The following GDF9 variants were observed in gnomAD, a reference collection of about 807,000 sequenced individuals.
GDF9 encodes growth/differentiation factor 9.
A neutral mutation model predicts 33.8 loss-of-function variants in GDF9; 30 were observed. The ratio of observed to expected loss-of-function variants is 0.89; its 90% CI spans 0.66 to 1.20. GDF9 has a LOEUF of 1.20. Ranked by LOEUF, GDF9 falls within the 50% of genes most tolerant of loss-of-function variation. The pLI, the probability that GDF9 is intolerant of heterozygous loss-of-function variation, is 0.00. For synonymous variants in GDF9, 205 were observed against 200.7 expected (o/e 1.02, Z -0.18); for missense variants, 556 against 543.7 (o/e 1.02, Z -0.22).
Position 132,861,871 on chromosome 5 carries a change from G to A in GDF9, c.1083C>T (p.Ser361=). ...AGTTGTCCCACTTCAGCTGACTAAA[G>A]CTAAGTCTAAAGTCATGGAGCTCAC... is the stretch of plus-strand genomic sequence containing the variant. ...NECELHDFRL[S]FSQLKWDNWI... The change falls in exon 2 of 2, where the codon AGC becomes AGT. Residue 361 remains serine (S), a synonymous_variant. Transcript: ENST00000687138. The A allele has an allele frequency of 6.2e-7, 1 of 1,613,786 alleles. No homozygotes were observed. Among genetic ancestry groups the A allele is most frequent in the Non-Finnish European group, 8.5e-7 (1 of 1,179,626 alleles).
chr5:132,864,298 AGCCTAGGT>A lies in GDF9; in HGVS notation c.228_235del (p.Pro77AlafsTer15). On this transcript the variant is annotated frameshift_variant, in exon 1 of 2. Coordinates refer to ENST00000687138, the MANE Select transcript of GDF9 (RefSeq NM_005260.7). LOFTEE classifies it high-confidence loss of function. ...GTGCAAAGCTCTGGAGTCTGGCTGC[AGCCTAGGT>A]GACCCACCTCGCCCAACAGATAGAA... is the stretch of plus-strand genomic sequence containing the variant. 4 of 1,614,238 alleles carry A rather than the reference AGCCTAGGT, an allele frequency of 2.5e-6. No individual in the cohort carries two copies. Among genetic ancestry groups the A allele is most frequent in the Non-Finnish European group, 3.4e-6 (4 of 1,180,042 alleles).
At position 132,865,061 on chromosome 5, in the gene GDF9, T is replaced by C. The variant is rs1387740354; in HGVS notation, c.-528A>G. On this transcript the variant is annotated 5_prime_UTR_variant, in exon 1 of 2. Transcript: ENST00000687138. ...CCTCACGGCCTTTTCCACTTCCAGG[T>C]GTTTACAATTGTAATTATTCGCTGC... The C allele has an allele frequency of 6.5e-6, 1 of 154,718 alleles. No homozygotes were observed. The highest frequency in any genetic ancestry group is 1.4e-5 in the Non-Finnish European group (1 of 69,610). 9.6% of individuals were successfully genotyped at this position (154,718 alleles called of 1,614,324 possible). A position where few individuals can be genotyped will look rare whatever the true frequency, so the allele number is the denominator to read the frequency against.
In GDF9 at chr5:132,862,171, G is replaced by T; in HGVS notation, c.783C>A (p.Pro261=). Residue 261 remains proline (P), a synonymous_variant, in exon 2 of 2, where the codon CCC becomes CCA. Transcript: ENST00000687138. ...TGTCATTCAAATATAAGATCAGTGAGGGGGACACCAGAGTCATGTTAAACA... is the reference window on the plus strand; with the variant it reads ...TGTCATTCAAATATAAGATCAGTGATGGGGACACCAGAGTCATGTTAAACA... ...NGLFNMTLVS[P]SLILYLNDTS... is the part of the protein sequence containing the mutation. 1 of 1,613,334 alleles carries T rather than the reference G, an allele frequency of 6.2e-7. No individual in the cohort carries two copies. Among genetic ancestry groups the T allele is most frequent in the African/African-American group, 1.3e-5 (1 of 75,024 alleles).
At chr5:132,863,596 C>T (rs1759407651) in intron 1 of GDF9, among the ~76,000 whole-genome samples, 1 of 152,064 alleles carries the variant, frequency 6.6e-6, no homozygotes, top group Non-Finnish European at 1.5e-5. Flanking sequence ...TGCACCACCA[C>T]ACCCAGCTAA....
Position 132,861,486 on chromosome 5 carries a change from C to A in GDF9, c.*103G>T. On this transcript the variant is annotated 3_prime_UTR_variant, in exon 2 of 2. Coordinates refer to ENST00000687138, the MANE Select transcript of GDF9 (RefSeq NM_005260.7). ...CAGGCTCCTCTTTATATAACATATGCTACATTTAGAGACTTAATATATGAA... is the reference window on the plus strand; with the variant it reads ...CAGGCTCCTCTTTATATAACATATGATACATTTAGAGACTTAATATATGAA... The A allele has an allele frequency of 1.0e-6, 1 of 974,058 alleles. No individual in the cohort carries two copies. Among genetic ancestry groups the A allele is most frequent in the Non-Finnish European group, 1.7e-6 (1 of 600,072 alleles). The allele number at this position is 974,058 out of a possible 1,614,324, so 60.3% of individuals were successfully genotyped here.
rs1759538899 is a variant in GDF9 at position 132,865,385 on chromosome 5, T to C, written c.-852A>G. 6.6e-6 allele frequency: 1 copy of C among 152,196 alleles called. No homozygotes were observed. Among genetic ancestry groups the C allele is most frequent in the South Asian group, 2.1e-4 (1 of 4,834 alleles). The allele number at this position is 152,196 out of a possible 1,614,324, so 9.4% of individuals were successfully genotyped here. On this transcript the variant is annotated 5_prime_UTR_variant, in exon 1 of 2. Transcript: ENST00000687138. Reference sequence around the variant, plus strand: ...TGCTATAAAATAAATGAACGTTTTATTATTATTCATCCAAATGGTGGTAGA... The same window carrying C: ...TGCTATAAAATAAATGAACGTTTTACTATTATTCATCCAAATGGTGGTAGA...
rs567246588 is a variant in GDF9 at position 132,863,502 on chromosome 5, C to T, written c.397+635G>A. 2.7e-5 allele frequency among the ~76,000 whole-genome samples: 4 copies of T among 148,590 alleles called. No individual in the cohort carries two copies. The East Asian group carries it at 5.9e-4, about 22-fold the overall frequency. On this transcript the variant is annotated intron_variant, in intron 1 of 1. Transcript: ENST00000687138. ...GTTGCCGGGCTGGAGAGCAGTGGTG[C>T]GATCTTGGCTCACTGCAACCTCTGC...
chr5:132,862,078 G>T lies in GDF9; in HGVS notation c.876C>A (p.Asp292Glu), dbSNP rs1448553792. The T allele has an allele frequency of 6.2e-7, 1 of 1,613,986 alleles. No individual in the cohort carries two copies. Among genetic ancestry groups the T allele is most frequent in the South Asian group, 1.1e-5 (1 of 91,082 alleles). Residue 292 changes from aspartate to glutamate, a missense_variant, in exon 2 of 2, where the codon GAC (aspartate) becomes GAA (glutamate). Coordinates refer to ENST00000687138, the MANE Select transcript of GDF9 (RefSeq NM_005260.7). ...GATAGGCAGACAGACTTCTCTCCTG[G>T]TCAGGACCCTGGGAAGGCCTCCTTT... ...HYKRRPSQGP[D>E]QERSLSAYPV...
rs757930738 is a variant in GDF9, at chr5:132,862,344, C to G, written c.610G>C (p.Glu204Gln). ...PYSFTFNSQF[E>Q]FGKKHKWIQI... is the part of the protein sequence containing the mutation. ...ATCCATTTGTGTTTCTTTCCAAATT[C>G]AAACTGTGAGTTAAAGGTAAATGAG... Residue 204 changes from glutamate to glutamine, a missense_variant, in exon 2 of 2, where the codon GAA becomes CAA. Physicochemically the swap from Glu to Gln is conservative, Grantham distance 29. Coordinates refer to ENST00000687138, the MANE Select transcript of GDF9 (RefSeq NM_005260.7). 13 of 1,614,026 alleles carry G rather than the reference C, an allele frequency of 8.1e-6. No homozygotes were observed. The highest frequency in any genetic ancestry group is 1.3e-5 in the African/African-American group (1 of 74,936).
At position 132,861,821 on chromosome 5, in the gene GDF9, T is replaced by G. The variant is rs765478483; in HGVS notation, c.1133A>C (p.Asn378Thr). ...DNWIVAPHRY[N>T]PRYCKGDCPR... ...ACAGTCCCCTTTACAGTATCGAGGG[T>G]TGTACCTGTGCGGAGCCACAATCCA... is the stretch of plus-strand genomic sequence containing the variant. Residue 378 changes from asparagine to threonine, a missense_variant, in exon 2 of 2, where the codon AAC (asparagine) becomes ACC (threonine). Coordinates refer to ENST00000687138, the MANE Select transcript of GDF9 (RefSeq NM_005260.7). 6.2e-7 allele frequency: 1 copy of G among 1,613,990 alleles called. No homozygotes were observed. Among genetic ancestry groups the G allele is most frequent in the East Asian group, 2.2e-5 (1 of 44,890 alleles).
At chr5:132,862,849 G>A (rs1759364300) in intron 1 of GDF9, among the ~76,000 whole-genome samples, 1 of 151,822 alleles carries the variant, frequency 6.6e-6, no homozygotes, top group Non-Finnish European at 1.5e-5. Context: ...TTATTTTTTT[G>A]AGACAGGGTC....
In GDF9 at chr5:132,861,624, C is replaced by A. The variant is rs761806089; in HGVS notation, c.1330G>T (p.Glu444Ter). The part of the protein sequence containing the change: ...PDGSIAYKEY[E>*]DMIATKCTCR Reference sequence around the variant, plus strand: ...GTGCACTTTGTAGCTATCATATCTTCGTACTCTTTATAGGCAATTGAGCCA... The same window carrying A: ...GTGCACTTTGTAGCTATCATATCTTAGTACTCTTTATAGGCAATTGAGCCA... The change falls in exon 2 of 2, where the codon GAA (glutamate) becomes TAA (stop). Residue 444 changes from glutamate to a stop codon, truncating the protein, a stop_gained. Transcript: ENST00000687138. LOFTEE classifies it high-confidence loss of function. 1.3e-5 allele frequency: 21 copies of A among 1,612,684 alleles called. No individual in the cohort carries two copies. The highest frequency in any genetic ancestry group is 6.7e-5 in the African/African-American group (5 of 74,910).
In GDF9 at chr5:132,861,212, T is replaced by A. The variant is rs192642231; in HGVS notation, c.*377A>T. 3.9e-4 allele frequency: 77 copies of A among 198,556 alleles called. No homozygotes were observed. The highest frequency in any genetic ancestry group is 1.0e-4 in the Non-Finnish European group (10 of 96,534). The allele number at this position is 198,556 out of a possible 1,614,324, so 12.3% of individuals were successfully genotyped here. A position where few individuals can be genotyped will look rare whatever the true frequency, so the allele number is the denominator to read the frequency against. ...CCATTGACAGAAATTTATTCTTCTA[T>A]TAAGACTACAGCAATCTGAATTGCC... On this transcript the variant is annotated 3_prime_UTR_variant, in exon 2 of 2. Coordinates refer to ENST00000687138, the MANE Select transcript of GDF9 (RefSeq NM_005260.7).
chr5:132,865,384 A>G lies in GDF9; in HGVS notation c.-851T>C, dbSNP rs1282287622. ...ATGCTATAAAATAAATGAACGTTTTATTATTATTCATCCAAATGGTGGTAG... is the reference window on the plus strand; with the variant it reads ...ATGCTATAAAATAAATGAACGTTTTGTTATTATTCATCCAAATGGTGGTAG... On this transcript the variant is annotated 5_prime_UTR_variant, in exon 1 of 2. Transcript: ENST00000687138. 1 of 152,162 alleles carries G rather than the reference A, an allele frequency of 6.6e-6. No individual in the cohort carries two copies. The highest frequency in any genetic ancestry group is 1.5e-5 in the Non-Finnish European group (1 of 68,026). The allele number at this position is 152,162 out of a possible 1,614,324, so 9.4% of individuals were successfully genotyped here.
rs777079606 is a variant in GDF9, at chr5:132,862,531, T to C, written c.423A>G (p.Leu141=). Residue 141 remains leucine (L), a synonymous_variant, in exon 2 of 2, where the codon CTA becomes CTG. Coordinates refer to ENST00000687138, the MANE Select transcript of GDF9 (RefSeq NM_005260.7). ...VTGILPSVEL[L]FNLDRITTVE... ...CGGTAGTAATGCGATCCAGGTTAAA[T>C]AGCAGTTCCACTGATGGAAGGATTC... is the stretch of plus-strand genomic sequence containing the variant. 3.1e-6 allele frequency: 5 copies of C among 1,608,850 alleles called. No homozygotes were observed. Among genetic ancestry groups the C allele is most frequent in the South Asian group, 1.1e-5 (1 of 91,038 alleles).
In GDF9 at chr5:132,864,923, T is replaced by C. The variant is rs1463292507; in HGVS notation, c.-390A>G. 1 of 223,268 alleles carries C rather than the reference T, an allele frequency of 4.5e-6. No individual in the cohort carries two copies. The highest frequency in any genetic ancestry group is 2.3e-5 in the African/African-American group (1 of 43,262). 13.8% of individuals were successfully genotyped at this position (223,268 alleles called of 1,614,324 possible). ...AATTTGGATTAAGATGTTCGCTAGG[T>C]GCTTGCTGAAACTTCTAAGGCATGT... On this transcript the variant is annotated 5_prime_UTR_variant, in exon 1 of 2. Transcript: ENST00000687138.
At position 132,861,624 on chromosome 5, in the gene GDF9, C is replaced by T. The variant is rs761806089; in HGVS notation, c.1330G>A (p.Glu444Lys). 3.3e-5 allele frequency: 54 copies of T among 1,612,684 alleles called. No homozygotes were observed. The highest frequency in any genetic ancestry group is 5.0e-5 in the Admixed American group (3 of 60,004). ...GTGCACTTTGTAGCTATCATATCTT[C>T]GTACTCTTTATAGGCAATTGAGCCA... ...PDGSIAYKEY[E>K]DMIATKCTCR Residue 444 changes from glutamate to lysine, a missense_variant, in exon 2 of 2, where the codon GAA becomes AAA. Transcript: ENST00000687138.
At chr5:132,863,241 T>C (rs1403869197) in intron 1 of GDF9, among the ~76,000 whole-genome samples, 8 of 152,318 alleles carry the variant, frequency 5.3e-5, no homozygotes, top group East Asian at 1.9e-4. Context: ...GAAACACTTA[T>C]CAGACTTACT....
chr5:132,864,564 C>T lies in GDF9; in HGVS notation c.-31G>A, dbSNP rs1461893558. The T allele has an allele frequency of 6.3e-7, 1 of 1,598,826 alleles. No homozygotes were observed. The highest frequency in any genetic ancestry group is 1.7e-5 in the Admixed American group (1 of 59,832). ...GGGAGAACTAGTGAGGAACATATTT[C>T]TCCATGCCAGTCCTCTTCCTAAAGG... On this transcript the variant is annotated 5_prime_UTR_variant, in exon 1 of 2. Coordinates refer to ENST00000687138, the MANE Select transcript of GDF9 (RefSeq NM_005260.7).
Sources: allele counts gnomAD v4.1 joint callset (sites outside exome capture counted in the v4.1 genomes callset), GRCh38; gene constraint gnomAD v4.1.1; transcripts MANE v1.5; gene names NCBI Gene and HGNC (gene_info 2026-07-23, HGNC 2026-07-21).